The following SPAG9 variants were observed in gnomAD, a reference collection of about 807,000 sequenced individuals.
SPAG9 encodes sperm associated antigen 9.
Under a neutral mutation model 166.5 loss-of-function variants are expected in SPAG9, and 35 were observed. That is an observed-to-expected ratio of 0.21 (90% CI 0.16 to 0.28). The LOEUF (loss-of-function observed/expected upper bound fraction) is 0.28. Among genes scored for constraint, SPAG9 ranks in the 10% least tolerant of loss-of-function variants. SPAG9 has a pLI of 1.00. For synonymous variants in SPAG9, 534 were observed against 565.5 expected (o/e 0.94, Z 0.79); for missense variants, 1,235 against 1,603.3 (o/e 0.77, Z 3.92).
intron 15 of SPAG9, among the ~76,000 whole-genome samples, chr17:50,998,086 G>A (rs955686719): frequency 7.4e-6 from 1 of 135,046 alleles, no homozygotes; most frequent in South Asian, 2.3e-4. Flanking sequence ...CCAGGCTAGA[G>A]CAATGGCATG....
At chr17:50,968,086 C>T (rs1333400422) in intron 29 of SPAG9, among the ~76,000 whole-genome samples, 19 of 152,192 alleles carry the variant, frequency 1.2e-4, no homozygotes, top group Non-Finnish European at 1.0e-4. Context: ...GAGTCCCTAA[C>T]AACTCCTCTC....
At chr17:51,002,012 T>C (rs1029412285) in intron 12 of SPAG9, among the ~76,000 whole-genome samples, 167 bp from the exon 13 acceptor site, 2 of 152,172 alleles carry the variant, frequency 1.3e-5, no homozygotes. Flanking sequence ...CAAAGACTTT[T>C]TTTTAAAAAA....
At chr17:51,005,330 G>C in intron 11 of SPAG9, 67 bp from the exon 12 acceptor site, 1 of 1,474,650 alleles carries the variant, frequency 6.8e-7, no homozygotes, top group Non-Finnish European at 9.4e-7. Context: ...AAAAATAAGA[G>C]TAGGTCAACA....
At chr17:51,119,504 C>G (rs2049407462) in intron 1 of SPAG9, among the ~76,000 whole-genome samples, 1 of 152,156 alleles carries the variant, frequency 6.6e-6, no homozygotes, top group Non-Finnish European at 1.5e-5. Flanking sequence ...AAAAGGTTCA[C>G]AGAGTCGAGG....
intron 2 of SPAG9, among the ~76,000 whole-genome samples, chr17:51,065,949 G>A (rs1309514006): frequency 4.6e-5 from 7 of 152,254 alleles, no homozygotes; most frequent in African/African-American, 1.7e-4. Flanking sequence ...TAAACTTTAC[G>A]TAAGCAAGAA....
intron 6 of SPAG9, among the ~76,000 whole-genome samples, chr17:51,027,703 A>C (rs1000058655): frequency 2.0e-5 from 3 of 152,238 alleles, no homozygotes; most frequent in Non-Finnish European, 2.9e-5. Context: ...CCAGGTGTAT[A>C]AAAGTATAGT....
intron 2 of SPAG9, among the ~76,000 whole-genome samples, chr17:51,067,023 C>G (rs1379491414): frequency 6.6e-6 from 1 of 152,120 alleles, no homozygotes; most frequent in African/African-American, 2.4e-5. Context: ...TTGTGTATTT[C>G]ATGTTTTCTT....
chr17:50,976,933 T>C, intron 27 of SPAG9, 175 bp downstream of exon 27: 1 of 538,896 alleles, frequency 1.9e-6, no homozygotes, highest in Non-Finnish European at 3.3e-6. Flanking sequence ...AGTATTGGTC[T>C]TGATACATGA....
chr17:50,973,683 T>G (rs1973988923), intron 28 of SPAG9, among the ~76,000 whole-genome samples: 3 of 152,166 alleles, frequency 2.0e-5, no homozygotes, highest in Admixed American at 2.0e-4. Context: ...TGATTAACAT[T>G]TAAAACAACA....
intron 2 of SPAG9, among the ~76,000 whole-genome samples, chr17:51,074,105 G>A (rs537907287): frequency 1.2e-3 from 179 of 152,174 alleles, no homozygotes; most frequent in Non-Finnish European, 2.0e-3. Flanking sequence ...GCGTGGTGGC[G>A]GGCGCCTGTA....
At chr17:51,029,276 A>G (rs2046301179) in intron 6 of SPAG9, among the ~76,000 whole-genome samples, 1 of 152,208 alleles carries the variant, frequency 6.6e-6, no homozygotes, top group African/African-American at 2.4e-5. Context: ...AACCACAATG[A>G]GATATCATCA....
chr17:51,006,063 G>A (rs2045207300), intron 11 of SPAG9, 22 bp downstream of exon 11: 2 of 1,613,114 alleles, frequency 1.2e-6, no homozygotes, highest in Admixed American at 3.3e-5. Flanking sequence ...GTTTGGTTTA[G>A]AACAACACAG....
At chr17:51,014,115 G>T in intron 9 of SPAG9, 117 bp downstream of exon 9, 1 of 785,104 alleles carries the variant, frequency 1.3e-6, no homozygotes, top group East Asian at 3.0e-5. Context: ...TTACCTAAAA[G>T]GGCAATAACC....
intron 9 of SPAG9, chr17:51,007,793 C>G (rs146833976): frequency 1.6e-5 from 7 of 443,246 alleles, no homozygotes; most frequent in East Asian, 7.0e-5. Context: ...CAGGCAAAAA[C>G]AAGGCTAAAG....
intron 1 of SPAG9, among the ~76,000 whole-genome samples, chr17:51,107,744 TAAA>T (rs35218447): frequency 3.6e-5 from 5 of 138,268 alleles, no homozygotes; most frequent in Admixed American, 7.2e-5. Context: ...AAAAAAAGGT[TAAA>T]AAAAAAAAAA....
At chr17:50,966,523 T>A in intron 29 of SPAG9, 136 bp from the exon 30 acceptor site, 1 of 644,728 alleles carries the variant, frequency 1.6e-6, no homozygotes, top group Non-Finnish European at 2.8e-6. Flanking sequence ...GAGTAAATAG[T>A]AGAAGAAATA....
intron 2 of SPAG9, among the ~76,000 whole-genome samples, chr17:51,066,837 A>T (rs1009069589): frequency 6.6e-6 from 1 of 152,020 alleles, no homozygotes; most frequent in African/African-American, 2.4e-5. Context: ...GGCTGCAGTG[A>T]GCCGAGATTA....
intron 4 of SPAG9, chr17:51,047,032 CTG>C (rs1289112120): frequency 1.3e-6 from 1 of 746,748 alleles, no homozygotes; most frequent in Admixed American, 6.3e-5. Context: ...ACATGCCTCT[CTG>C]TAACAAAAAG....
chr17:51,007,441 T>C, intron 9 of SPAG9, 115 bp from the exon 10 acceptor site: 1 of 468,236 alleles, frequency 2.1e-6, no homozygotes, highest in Non-Finnish European at 3.7e-6. Context: ...TGTCCTTTAT[T>C]AATTTTATTT....
Sources: allele counts gnomAD v4.1 joint callset (sites outside exome capture counted in the v4.1 genomes callset), GRCh38; gene constraint gnomAD v4.1.1; transcripts MANE v1.5; gene names NCBI Gene and HGNC (gene_info 2026-07-23, HGNC 2026-07-21).